SMCHD1: variants seen among roughly 807,000 people sequenced by gnomAD.
SMCHD1 encodes structural maintenance of chromosomes flexible hinge domain containing 1.
Under a neutral mutation model 254.7 loss-of-function variants are expected in SMCHD1, and 78 were observed. The observed-to-expected ratio is 0.31, with a 90% CI of 0.26 to 0.37. The LOEUF (loss-of-function observed/expected upper bound fraction) is 0.37. Ranked by LOEUF, SMCHD1 falls within the 10% of genes least tolerant of loss-of-function variation. The pLI is 1.00. For missense variants in SMCHD1, 1,840 were observed against 2,408.1 expected (o/e 0.76, Z 4.94); for synonymous variants, 766 against 794.9 (o/e 0.96, Z 0.61).
At chr18:2,689,082 A>G (rs2074114031) in intron 7 of SMCHD1, among the ~76,000 whole-genome samples, 3 of 152,140 alleles carry the variant, frequency 2.0e-5, no homozygotes, top group Admixed American at 2.0e-4. Flanking sequence ...TAAATGAGAG[A>G]TTGCTCTTAC....
chr18:2,789,147 G>A (rs571734766), intron 45 of SMCHD1, among the ~76,000 whole-genome samples: 2 of 151,998 alleles, frequency 1.3e-5, no homozygotes, highest in African/African-American at 4.8e-5. Context: ...TTAGCCTTTC[G>A]AATAGCTGGG....
chr18:2,658,865 TATACACAC>T (rs1226611139), intron 1 of SMCHD1, among the ~76,000 whole-genome samples: 6 of 150,686 alleles, frequency 4.0e-5, no homozygotes, highest in Admixed American at 1.3e-4. Flanking sequence ...TATACATATA[TATACACAC>T]ATACACACAT....
At chr18:2,661,841 G>T (rs908650360) in intron 1 of SMCHD1, among the ~76,000 whole-genome samples, 1 of 152,140 alleles carries the variant, frequency 6.6e-6, no homozygotes, top group African/African-American at 2.4e-5. Flanking sequence ...TATCGTAGAA[G>T]AGTACTCAAA....
At chr18:2,690,605 G>A (rs2074153071) in intron 7 of SMCHD1, among the ~76,000 whole-genome samples, 1 of 151,534 alleles carries the variant, frequency 6.6e-6, no homozygotes, top group Non-Finnish European at 1.5e-5. Flanking sequence ...CTGAGTAGCT[G>A]GGATTACAGG....
chr18:2,794,303 G>C (rs761580083), intron 45 of SMCHD1, among the ~76,000 whole-genome samples: 1 of 152,084 alleles, frequency 6.6e-6, no homozygotes, highest in African/African-American at 2.4e-5. Flanking sequence ...CCCAAAGGTC[G>C]AACAGCATAG....
intron 1 of SMCHD1, among the ~76,000 whole-genome samples, chr18:2,662,135 C>T (rs1398628838): frequency 2.3e-4 from 30 of 133,240 alleles, no homozygotes; most frequent in African/African-American, 7.5e-4. Flanking sequence ...GTCCGCAGTC[C>T]GGCCTGGGCG....
intron 35 of SMCHD1, among the ~76,000 whole-genome samples, chr18:2,761,092 C>A (rs543317750): frequency 1.5e-4 from 23 of 152,068 alleles, no homozygotes; most frequent in Admixed American, 4.6e-4. Flanking sequence ...AACAAGAGAA[C>A]GAAATTATGT....
intron 12 of SMCHD1, chr18:2,701,125 G>T: frequency 2.7e-6 from 1 of 375,952 alleles, no homozygotes; most frequent in Non-Finnish European, 4.7e-6. Flanking sequence ...GTAAAGACTA[G>T]GTTTGGATAG....
intron 1 of SMCHD1, among the ~76,000 whole-genome samples, chr18:2,660,011 CAGTT>C (rs1202031201): frequency 6.6e-6 from 1 of 152,050 alleles, no homozygotes; most frequent in African/African-American, 2.4e-5. Context: ...CACTGCAAGT[CAGTT>C]AGTCCTTAAA....
intron 30 of SMCHD1, among the ~76,000 whole-genome samples, chr18:2,748,342 TTGTGTGTGTGTGTGTG>T (rs1199860810): frequency 0.02 from 1,585 of 78,434 alleles, 45 homozygotes; most frequent in Middle Eastern, 0.082. Flanking sequence ...CTTTGCAAAG[TTGTGTGTGTGTGTGTG>T]TGTGTGTGTG....
At chr18:2,715,007 C>T (rs1215792648) in intron 17 of SMCHD1, among the ~76,000 whole-genome samples, 1 of 152,192 alleles carries the variant, frequency 6.6e-6, no homozygotes, top group Non-Finnish European at 1.5e-5. Context: ...TGACTGGATG[C>T]TTTTTCTCTT....
At chr18:2,783,820 C>G (rs1441860513) in intron 44 of SMCHD1, among the ~76,000 whole-genome samples, 3 of 152,150 alleles carry the variant, frequency 2.0e-5, no homozygotes, top group Non-Finnish European at 4.4e-5. Flanking sequence ...ATCTGCCCAC[C>G]TTGGCCTCCC....
At chr18:2,719,652 G>A (rs1308834945) in intron 19 of SMCHD1, among the ~76,000 whole-genome samples, 1 of 147,904 alleles carries the variant, frequency 6.8e-6, no homozygotes, top group Non-Finnish European at 1.5e-5. Context: ...GAGTGCAGTG[G>A]TGTGACTGCA....
At chr18:2,744,826 G>GT (rs1568291726) in intron 29 of SMCHD1, among the ~76,000 whole-genome samples, 4 of 151,912 alleles carry the variant, frequency 2.6e-5, no homozygotes, top group African/African-American at 9.7e-5. Flanking sequence ...TGGTTTTTTT[G>GT]TTTGTTTTGT....
chr18:2,658,486 A>G (rs894588427), intron 1 of SMCHD1, among the ~76,000 whole-genome samples: 1 of 152,152 alleles, frequency 6.6e-6, no homozygotes, highest in Non-Finnish European at 1.5e-5. Flanking sequence ...CAATATTTCA[A>G]CTGGAAAACC....
rs370846437 is a variant in SMCHD1, at chr18:2,707,845, G to C, written c.2185G>C (p.Ala729Pro). The change falls in exon 17 of 48, where the codon GCA (alanine) becomes CCA (proline). Residue 729 changes from alanine to proline, a missense_variant. Physicochemically the swap from Ala to Pro is conservative, Grantham distance 27. Around this residue, in one of 9 missense-constraint regions of SMCHD1, gnomAD observed 498 missense variants for 743.5 expected, o/e 0.67. Coordinates refer to ENST00000320876, the MANE Select transcript of SMCHD1 (RefSeq NM_015295.3). ...RIEILNKKGE[A>P]MQKLPGTSHG... ...TGAAATACTGAATAAAAAAGGGGAA[G>C]CAATGCAAAAGCTTCCAGGAACAAG... The C allele has an allele frequency of 1.2e-6, 2 of 1,608,802 alleles. No homozygotes were observed. Among genetic ancestry groups the C allele is most frequent in the African/African-American group, 2.7e-5 (2 of 74,700 alleles).
At chr18:2,724,477 G>T (rs1055754169) in intron 20 of SMCHD1, among the ~76,000 whole-genome samples, 14 of 151,998 alleles carry the variant, frequency 9.2e-5, no homozygotes, top group African/African-American at 3.4e-4. Context: ...CAGATGCCCA[G>T]AATTCTCTAA....
chr18:2,743,722 G>A, intron 28 of SMCHD1, 39 bp from the exon 29 acceptor site: 1 of 1,490,528 alleles, frequency 6.7e-7, no homozygotes. Flanking sequence ...AACACTAAGT[G>A]ATACCCCCTG....
At chr18:2,772,116 T>G in intron 40 of SMCHD1, 134 bp from the exon 41 acceptor site, 1 of 642,702 alleles carries the variant, frequency 1.6e-6, no homozygotes, top group Non-Finnish European at 2.2e-6. Context: ...TGATAGTTTT[T>G]TTTTTAATAA....
Sources: allele counts gnomAD v4.1 joint callset (sites outside exome capture counted in the v4.1 genomes callset), GRCh38; gene constraint gnomAD v4.1.1; regional missense constraint gnomAD v4.1.1; transcripts MANE v1.5; gene names NCBI Gene and HGNC (gene_info 2026-07-23, HGNC 2026-07-21).